Variants in KCNK1 observed in about 807,000 individuals in gnomAD.
The protein encoded by KCNK1 is potassium channel subfamily K member 1.
A neutral mutation model predicts 22.2 loss-of-function variants in KCNK1; 10 were observed. The observed-to-expected ratio is 0.45, with a 90% CI of 0.28 to 0.76. KCNK1 has a LOEUF of 0.76. Ranked by LOEUF, KCNK1 falls within the 30% of genes least tolerant of loss-of-function variation. The probability of loss-of-function intolerance (pLI) is 0.14; values close to 1 mark genes in which losing one functional copy is unlikely to be tolerated. For synonymous variants in KCNK1, 200 were observed against 186.4 expected (o/e 1.07, Z -0.60); for missense variants, 378 against 421.0 (o/e 0.90, Z 0.89).
chr1:233,671,463 A>G lies in KCNK1; in HGVS notation c.944A>G (p.Gln315Arg), dbSNP rs1658596365. 6.2e-7 allele frequency: 1 copy of G among 1,614,104 alleles called. No homozygotes were observed. The highest frequency in any genetic ancestry group is 1.3e-5 in the African/African-American group (1 of 74,940). ...TDQAAGMKED[Q>R]KQNEPFVATQ... ...CAGGCAGCTGGCATGAAAGAGGACCAGAAGCAAAATGAGCCTTTTGTGGCC... is the reference window on the plus strand; with the variant it reads ...CAGGCAGCTGGCATGAAAGAGGACCGGAAGCAAAATGAGCCTTTTGTGGCC... The change falls in exon 3 of 3, where the codon CAG (glutamine) becomes CGG (arginine). Residue 315 changes from glutamine to arginine, a missense_variant. By Grantham distance (43) the Gln-to-Arg change is conservative. Transcript: ENST00000366621.
intron 1 of KCNK1, among the ~76,000 whole-genome samples, chr1:233,650,415 A>G (rs990736496): frequency 4.6e-5 from 7 of 152,204 alleles, no homozygotes; most frequent in Non-Finnish European, 1.0e-4. Context: ...GACTTGGGGA[A>G]TATTAAAACG....
At chr1:233,644,766 AG>A (rs1461711438) in intron 1 of KCNK1, among the ~76,000 whole-genome samples, 1 of 152,164 alleles carries the variant, frequency 6.6e-6, no homozygotes, top group Non-Finnish European at 1.5e-5. Context: ...ATGTGGTAAG[AG>A]GAACAGTGGT....
Position 233,666,582 on chromosome 1 carries a change from G to T in KCNK1, c.356-13G>T. 6.3e-7 allele frequency: 1 copy of T among 1,583,752 alleles called. No homozygotes were observed. The highest frequency in any genetic ancestry group is 2.2e-5 in the East Asian group (1 of 44,494). ...TCTTCCTCTTCGCCTCAGTGACCTT[G>T]TTCTCCTTGCAGGTTATGGCCACAC... On this transcript the variant is annotated splice_polypyrimidine_tract_variant and intron_variant, in intron 1 of 2. Transcript: ENST00000366621.
At chr1:233,652,549 T>A (rs1474813108) in intron 1 of KCNK1, among the ~76,000 whole-genome samples, 2 of 152,218 alleles carry the variant, frequency 1.3e-5, no homozygotes, top group East Asian at 3.8e-4. Context: ...ACATACCGAA[T>A]GCTTTCCTTT....
At chr1:233,618,269 T>A (rs1241537795) in intron 1 of KCNK1, among the ~76,000 whole-genome samples, 1 of 152,036 alleles carries the variant, frequency 6.6e-6, no homozygotes, top group African/African-American at 2.4e-5. Flanking sequence ...AGGAATCTTA[T>A]GAGAATGAGT....
chr1:233,671,140 A>G lies in KCNK1; in HGVS notation c.752-131A>G. 2 of 825,322 alleles carry G rather than the reference A, an allele frequency of 2.4e-6. 1 individual carries two copies. The highest frequency in any genetic ancestry group is 3.9e-6 in the Non-Finnish European group (2 of 517,294). The allele number at this position is 825,322 out of a possible 1,614,324, so 51.1% of individuals were successfully genotyped here. A position where few individuals can be genotyped will look rare whatever the true frequency, so the allele number is the denominator to read the frequency against. On this transcript the variant is annotated intron_variant, in intron 2 of 2. Transcript: ENST00000366621. Reference sequence around the variant, plus strand: ...CCATGAACTTAAAAACACTTCTAAAAATTAAGAAACTGGCAATGAGTTTAT... The same window carrying G: ...CCATGAACTTAAAAACACTTCTAAAGATTAAGAAACTGGCAATGAGTTTAT...
At chr1:233,639,100 A>T (rs1322148347) in intron 1 of KCNK1, among the ~76,000 whole-genome samples, 1 of 152,198 alleles carries the variant, frequency 6.6e-6, no homozygotes, top group Non-Finnish European at 1.5e-5. Flanking sequence ...CAAAAAACAG[A>T]TGAATATATA....
chr1:233,616,395 A>G (rs987695512), intron 1 of KCNK1, among the ~76,000 whole-genome samples: 3 of 152,214 alleles, frequency 2.0e-5, no homozygotes, highest in African/African-American at 7.2e-5. Flanking sequence ...ATTAGTTTAT[A>G]ATCTTGAATA....
chr1:233,631,390 C>G, intron 1 of KCNK1: 1 of 455,780 alleles, frequency 2.2e-6, no homozygotes, highest in Admixed American at 2.4e-5. Context: ...CTTTGTGTTT[C>G]TCTTTAATGA....
At chr1:233,626,116 T>C (rs1259026712) in intron 1 of KCNK1, among the ~76,000 whole-genome samples, 1 of 150,684 alleles carries the variant, frequency 6.6e-6, no homozygotes, top group African/African-American at 2.4e-5. Context: ...ACCCAGGGGG[T>C]CATCGGACCA....
intron 1 of KCNK1, among the ~76,000 whole-genome samples, chr1:233,648,905 G>T (rs1291313922): frequency 6.6e-5 from 10 of 152,138 alleles, no homozygotes; most frequent in Admixed American, 6.6e-4. Context: ...CATGTCCTTT[G>T]TGGGTACAGG....
chr1:233,616,290 A>G (rs550453081), intron 1 of KCNK1, among the ~76,000 whole-genome samples: 9 of 152,222 alleles, frequency 5.9e-5, no homozygotes, highest in African/African-American at 1.7e-4. Context: ...AAGAATAAGA[A>G]CAGTTTTGAG....
At chr1:233,631,398 T>C (rs1265942359) in intron 1 of KCNK1, 1 of 448,396 alleles carries the variant, frequency 2.2e-6, no homozygotes, top group Non-Finnish European at 4.7e-6. Flanking sequence ...TTCTCTTTAA[T>C]GATAGGATTT....
chr1:233,645,179 G>C (rs1395872761), intron 1 of KCNK1, among the ~76,000 whole-genome samples: 3 of 149,754 alleles, frequency 2.0e-5, no homozygotes, highest in Non-Finnish European at 4.4e-5. Context: ...GGGTGACAGA[G>C]TGAGACTTTG....
At chr1:233,649,831 GA>G (rs1379074593) in intron 1 of KCNK1, 1 of 404,734 alleles carries the variant, frequency 2.5e-6, no homozygotes, top group Non-Finnish European at 5.1e-6. Context: ...CAAACATTCA[GA>G]CTGTAGCAGG....
intron 1 of KCNK1, 91 bp from the exon 2 acceptor site, chr1:233,666,504 A>G: frequency 7.9e-7 from 1 of 1,258,400 alleles, no homozygotes; most frequent in Non-Finnish European, 1.1e-6. Flanking sequence ...TTTGAGGGGA[A>G]TAAGGGCAGA....
At chr1:233,617,808 C>T (rs771793908) in intron 1 of KCNK1, among the ~76,000 whole-genome samples, 3 of 152,254 alleles carry the variant, frequency 2.0e-5, no homozygotes, top group East Asian at 1.9e-4. Flanking sequence ...GGAGTGATGG[C>T]GTGTGCCTGT....
intron 1 of KCNK1, among the ~76,000 whole-genome samples, chr1:233,648,411 T>C (rs1658140481): frequency 6.6e-6 from 1 of 152,240 alleles, no homozygotes; most frequent in Non-Finnish European, 1.5e-5. Flanking sequence ...CCATCCTTGT[T>C]TCATCCATCC....
chr1:233,622,210 C>A (rs1025184730), intron 1 of KCNK1, among the ~76,000 whole-genome samples: 1 of 152,138 alleles, frequency 6.6e-6, no homozygotes, highest in African/African-American at 2.4e-5. Context: ...TGTTTTGACC[C>A]ATAAAAATGG....
Sources: gnomAD v4.1 joint callset for allele counts (sites outside exome capture counted in the v4.1 genomes callset) on GRCh38, gnomAD v4.1.1 for gene constraint, MANE v1.5 for transcripts, NCBI Gene and HGNC (gene_info 2026-07-23, HGNC 2026-07-21) for gene names.